The following HYAL4 variants were observed in gnomAD, a reference collection of about 807,000 sequenced individuals.
HYAL4 encodes hyaluronidase-4.
Under a neutral mutation model 35.2 loss-of-function variants are expected in HYAL4, and 37 were observed. That is an observed-to-expected ratio of 1.05 (90% CI 0.81 to 1.38). The LOEUF is 1.38. HYAL4 is among the 40% of genes most tolerant of loss of function. The pLI, the probability that HYAL4 is intolerant of heterozygous loss-of-function variation, is 0.00. For synonymous variants in HYAL4, 198 were observed against 203.2 expected, an observed-to-expected ratio of 0.97 and a Z score of 0.22; for missense variants, 572 against 572.4, an observed-to-expected ratio of 1.00 and a Z score of 0.01.
the HYAL4 span, among the ~76,000 whole-genome samples, chr7:123,776,949 G>A: frequency 3.7e-4 from 57 of 152,286 alleles, no homozygotes; most frequent in Non-Finnish European, 6.3e-4. Flanking sequence ...GTGACTACAG[G>A]CAAAATACCC....
the HYAL4 span, among the ~76,000 whole-genome samples, chr7:123,821,298 C>T: frequency 6.6e-6 from 1 of 152,170 alleles, no homozygotes; most frequent in Admixed American, 6.5e-5. Flanking sequence ...GTTCCCATTT[C>T]TCTACAACTT....
At chr7:123,801,998 T>C in the HYAL4 span, among the ~76,000 whole-genome samples, 2 of 152,230 alleles carry the variant, frequency 1.3e-5, no homozygotes, top group African/African-American at 4.8e-5. Flanking sequence ...GAAAACACTT[T>C]TATCTTTTCT....
intron 2 of HYAL4, among the ~76,000 whole-genome samples, chr7:123,855,769 C>G (rs1472877680): frequency 6.6e-6 from 1 of 152,094 alleles, no homozygotes; most frequent in African/African-American, 2.4e-5. Context: ...GGGAAGTTCT[C>G]CTGGATAATA....
chr7:123,768,982 G>A, the HYAL4 span, among the ~76,000 whole-genome samples: 3 of 152,296 alleles, frequency 2.0e-5, no homozygotes, highest in Admixed American at 6.5e-5. Flanking sequence ...CTAAGTAAAG[G>A]TAACATTATT....
intron 2 of HYAL4, among the ~76,000 whole-genome samples, chr7:123,867,468 G>C (rs904038498): frequency 3.9e-5 from 6 of 152,012 alleles, no homozygotes; most frequent in African/African-American, 1.4e-4. Context: ...GAAACATTCT[G>C]GGAGGCTTGA....
the HYAL4 span, among the ~76,000 whole-genome samples, chr7:123,794,279 A>C: frequency 6.6e-6 from 1 of 152,218 alleles, no homozygotes; most frequent in African/African-American, 2.4e-5. Context: ...AAAAATTTGC[A>C]GACTGACAAT....
chr7:123,853,277 G>A (rs946774571), intron 2 of HYAL4, among the ~76,000 whole-genome samples: 10 of 152,198 alleles, frequency 6.6e-5, no homozygotes, highest in Non-Finnish European at 1.3e-4. Flanking sequence ...GTGTTGAATA[G>A]GAGTGGTAAG....
chr7:123,863,450 G>C (rs1226347066), intron 2 of HYAL4, among the ~76,000 whole-genome samples: 3 of 152,050 alleles, frequency 2.0e-5, no homozygotes, highest in Non-Finnish European at 4.4e-5. Flanking sequence ...GAAGCCATGG[G>C]GTGTCTCAGT....
intron 2 of HYAL4, among the ~76,000 whole-genome samples, chr7:123,864,458 A>C (rs1806643630): frequency 6.6e-6 from 1 of 152,128 alleles, no homozygotes; most frequent in South Asian, 2.1e-4. Context: ...ATTGTCATTT[A>C]GAGGTTTGTT....
At chr7:123,780,483 G>T in the HYAL4 span, among the ~76,000 whole-genome samples, 4 of 152,300 alleles carry the variant, frequency 2.6e-5, no homozygotes, top group East Asian at 7.7e-4. Context: ...TGACAGTTAA[G>T]ATTATTTTTA....
At chr7:123,771,721 A>G in the HYAL4 span, among the ~76,000 whole-genome samples, 1 of 149,166 alleles carries the variant, frequency 6.7e-6, no homozygotes, top group Admixed American at 6.7e-5. Flanking sequence ...GTTAAACATT[A>G]TTTCTGAGAG....
the HYAL4 span, among the ~76,000 whole-genome samples, chr7:123,812,476 C>A: frequency 2.4e-4 from 36 of 151,714 alleles, no homozygotes; most frequent in Non-Finnish European, 3.8e-4. Flanking sequence ...AAAATAATGC[C>A]AAAATAATTT....
chr7:123,792,701 C>G, the HYAL4 span, among the ~76,000 whole-genome samples: 5 of 152,106 alleles, frequency 3.3e-5, no homozygotes, highest in Non-Finnish European at 5.9e-5. Context: ...TTGCTTTTCT[C>G]CCTCTCTGAC....
In HYAL4 at chr7:123,868,566, A is replaced by G. The variant is rs777087561; in HGVS notation, c.293A>G (p.Tyr98Cys). 1.9e-6 allele frequency: 3 copies of G among 1,614,040 alleles called. No homozygotes were observed. Among genetic ancestry groups the G allele is most frequent in the East Asian group, 4.5e-5 (2 of 44,886 alleles). ...TTTTATGTCAACAGATTGGGATACTATCCGTGGTATACATCACAAGGGGTC... is the reference window on the plus strand; with the variant it reads ...TTTTATGTCAACAGATTGGGATACTGTCCGTGGTATACATCACAAGGGGTC... The part of the protein sequence containing the change: ...TIFYVNRLGY[Y>C]PWYTSQGVPI... Residue 98 changes from tyrosine to cysteine, a missense_variant, in exon 3 of 5, where the codon TAT becomes TGT. Physicochemically the swap from Tyr to Cys is radical, Grantham distance 194. Coordinates refer to ENST00000223026, the MANE Select transcript of HYAL4 (RefSeq NM_012269.3).
chr7:123,845,658 A>G lies in HYAL4; in HGVS notation c.-149A>G, dbSNP rs1806158991. On this transcript the variant is annotated 5_prime_UTR_variant, in exon 1 of 5. Coordinates refer to ENST00000223026, the MANE Select transcript of HYAL4 (RefSeq NM_012269.3). ...GAATTCTTTTTTAGGAAAATCAGGA[A>G]TTTCTTCTTGGTTTGGAGCCATTGC... The G allele has an allele frequency of 6.6e-6, 1 of 151,966 alleles. No individual in the cohort carries two copies. Among genetic ancestry groups the G allele is most frequent in the African/African-American group, 2.4e-5 (1 of 41,366 alleles). The allele number at this position is 151,966 out of a possible 1,614,324, so 9.4% of individuals were successfully genotyped here.
the HYAL4 span, among the ~76,000 whole-genome samples, chr7:123,777,035 A>C: frequency 6.6e-6 from 1 of 152,172 alleles, no homozygotes; most frequent in Admixed American, 6.5e-5. Context: ...TACGTAGGAG[A>C]ATAAGAAGCT....
At chr7:123,871,790 C>T (rs189915742) in intron 3 of HYAL4, among the ~76,000 whole-genome samples, 1 of 151,992 alleles carries the variant, frequency 6.6e-6, no homozygotes. Context: ...CTACAGAAAC[C>T]TATGTGATAT....
the HYAL4 span, among the ~76,000 whole-genome samples, chr7:123,812,129 T>C: frequency 6.6e-6 from 1 of 152,174 alleles, no homozygotes; most frequent in African/African-American, 2.4e-5. Flanking sequence ...TGTGAGCCAC[T>C]GCGTCTGGCT....
At chr7:123,816,479 A>G in the HYAL4 span, among the ~76,000 whole-genome samples, 1 of 152,200 alleles carries the variant, frequency 6.6e-6, no homozygotes, top group Non-Finnish European at 1.5e-5. Flanking sequence ...GTTATTAGTA[A>G]TAACAGTAGA....
Sources: allele counts gnomAD v4.1 joint callset (sites outside exome capture counted in the v4.1 genomes callset), GRCh38; gene constraint gnomAD v4.1.1; transcripts MANE v1.5; gene names NCBI Gene and HGNC (gene_info 2026-07-23, HGNC 2026-07-21).